The following THSD7B variants were observed in gnomAD, a reference collection of about 807,000 sequenced individuals.
The protein encoded by THSD7B is thrombospondin type-1 domain-containing protein 7B.
Under a neutral mutation model 213.6 loss-of-function variants are expected in THSD7B, and 138 were observed. The observed-to-expected ratio is 0.65, with a 90% CI of 0.56 to 0.74. The LOEUF (loss-of-function observed/expected upper bound fraction) is 0.74. Ranked by LOEUF, THSD7B falls within the 30% of genes least tolerant of loss-of-function variation. THSD7B has a pLI of 0.00. For synonymous variants in THSD7B, 742 were observed against 687.0 expected (o/e 1.08, Z -1.25); for missense variants, 1,931 against 1,991.5 (o/e 0.97, Z 0.58).
chr2:137,455,618 G>T (rs1687748038), intron 15 of THSD7B, among the ~76,000 whole-genome samples: 1 of 152,160 alleles, frequency 6.6e-6, no homozygotes, highest in Non-Finnish European at 1.5e-5. Context: ...GTAGCTTTCT[G>T]CTAAGTATAT....
chr2:137,333,220 C>A (rs759847177), intron 12 of THSD7B, among the ~76,000 whole-genome samples: 23 of 152,194 alleles, frequency 1.5e-4, no homozygotes, highest in African/African-American at 5.3e-4. Flanking sequence ...GGTTCCGATA[C>A]ATCTACCTCC....
chr2:137,575,593 T>A (rs1445541876), intron 17 of THSD7B, among the ~76,000 whole-genome samples: 1 of 151,972 alleles, frequency 6.6e-6, no homozygotes, highest in African/African-American at 2.4e-5. Context: ...ACCATTTTTT[T>A]AAAACTGTAT....
chr2:137,452,916 C>G (rs1261850146), intron 15 of THSD7B, among the ~76,000 whole-genome samples: 1 of 152,082 alleles, frequency 6.6e-6, no homozygotes, highest in African/African-American at 2.4e-5. Flanking sequence ...AATCAAAGTT[C>G]AAGAATAATT....
At chr2:136,890,434 TTC>T (rs1558840135) in intron 2 of THSD7B, among the ~76,000 whole-genome samples, 286 of 3,508 alleles carry the variant, frequency 0.082, 91 homozygotes, top group South Asian at 0.35. Flanking sequence ...CTTCTTCTTC[TTC>T]TTCTTCTTCT....
At chr2:137,578,323 A>G (rs1681504071) in intron 17 of THSD7B, among the ~76,000 whole-genome samples, 2 of 152,200 alleles carry the variant, frequency 1.3e-5, no homozygotes, top group African/African-American at 4.8e-5. Context: ...TTAGCTAACT[A>G]CTAATTTGGA....
chr2:136,915,932 A>G (rs188229930), intron 2 of THSD7B, among the ~76,000 whole-genome samples: 4 of 152,356 alleles, frequency 2.6e-5, no homozygotes, highest in Non-Finnish European at 5.9e-5. Context: ...TTAAGTGCCT[A>G]TACTTGAAGT....
intron 20 of THSD7B, among the ~76,000 whole-genome samples, chr2:137,626,780 A>G (rs1331191367): frequency 1.3e-5 from 2 of 152,162 alleles, no homozygotes; most frequent in Non-Finnish European, 1.5e-5. Flanking sequence ...TTTAAGTTCT[A>G]TATTCCACAA....
Position 136,966,458 on chromosome 2 carries a change from A to G in THSD7B, c.139+84141A>G, listed in dbSNP as rs201458600. On this transcript the variant is annotated intron_variant, in intron 2 of 27. Coordinates refer to ENST00000409968, the MANE Select transcript of THSD7B (RefSeq NM_001316349.2). ...TCTCAAACTCTTGGGTTCAAGTGATATGCCCAGCTCAGCCTCCAAAAGTGC... is the reference window on the plus strand; with the variant it reads ...TCTCAAACTCTTGGGTTCAAGTGATGTGCCCAGCTCAGCCTCCAAAAGTGC... Among the ~76,000 whole-genome samples, 34 of 152,220 alleles carry G rather than the reference A, an allele frequency of 2.2e-4. 1 individual carries two copies. In the East Asian group the frequency reaches 6.6e-3, roughly 29 times the overall value.
chr2:137,673,747 C>T (rs544285298), intron 27 of THSD7B, among the ~76,000 whole-genome samples: 51 of 152,246 alleles, frequency 3.3e-4, no homozygotes, highest in Middle Eastern at 3.4e-3. Context: ...AGCTGCTATT[C>T]GGCAAAGTAC....
At chr2:137,398,059 T>C (rs1180525746) in intron 12 of THSD7B, among the ~76,000 whole-genome samples, 4 of 129,392 alleles carry the variant, frequency 3.1e-5, no homozygotes, top group African/African-American at 8.6e-5. Context: ...ATTCTAGTTA[T>C]ACATTCTTCT....
intron 17 of THSD7B, among the ~76,000 whole-genome samples, chr2:137,575,141 C>T (rs1386605763): frequency 6.6e-6 from 1 of 151,956 alleles, no homozygotes; most frequent in Admixed American, 6.6e-5. Flanking sequence ...ATCTGAGTTA[C>T]AGGTTTCTTA....
intron 14 of THSD7B, among the ~76,000 whole-genome samples, chr2:137,444,662 C>T (rs1687490097): frequency 6.6e-6 from 1 of 151,730 alleles, no homozygotes. Context: ...AACTATAAAA[C>T]TACTAAAAGA....
chr2:137,355,351 T>A (rs1331232701), intron 12 of THSD7B, among the ~76,000 whole-genome samples: 1 of 152,166 alleles, frequency 6.6e-6, no homozygotes, highest in Admixed American at 6.5e-5. Context: ...TGATATCATA[T>A]GGCTGACATT....
intron 2 of THSD7B, among the ~76,000 whole-genome samples, chr2:137,004,676 A>G (rs369753407): frequency 3.3e-4 from 50 of 152,206 alleles, no homozygotes; most frequent in African/African-American, 1.1e-3. Flanking sequence ...TGATGTTGAT[A>G]CCATCTCAAA....
At chr2:137,560,227 T>C (rs996949491) in intron 15 of THSD7B, among the ~76,000 whole-genome samples, 5 of 152,054 alleles carry the variant, frequency 3.3e-5, no homozygotes, top group Non-Finnish European at 7.4e-5. Flanking sequence ...ACCCAAAGGA[T>C]TATAAATCAT....
At chr2:137,211,006 G>A (rs1366400288) in intron 7 of THSD7B, among the ~76,000 whole-genome samples, 1 of 151,896 alleles carries the variant, frequency 6.6e-6, no homozygotes, top group Non-Finnish European at 1.5e-5. Flanking sequence ...TCTGTTGATT[G>A]CAGGAACATT....
rs182261605 is a variant in THSD7B, at chr2:136,953,012, C to T, written c.139+70695C>T. Among the ~76,000 whole-genome samples the T allele has an allele frequency of 2.3e-3, 351 of 151,910 alleles. 3 individuals are homozygous for T. Among genetic ancestry groups the T allele is most frequent in the Non-Finnish European group, 1.2e-3 (83 of 67,954 alleles). ...TGACATATAATCCATGTGATAATTT[C>T]TCAGGAAAAAAATGAAGATTAGGGT... On this transcript the variant is annotated intron_variant, in intron 2 of 27. Transcript: ENST00000409968.
chr2:136,772,051 A>G (rs1376697744), intron 1 of THSD7B, among the ~76,000 whole-genome samples: 4 of 151,812 alleles, frequency 2.6e-5, no homozygotes, highest in Non-Finnish European at 4.4e-5. Flanking sequence ...TTTTTTTGTA[A>G]TAGGAAACAA....
At chr2:136,891,380 T>A (rs2105001976) in intron 2 of THSD7B, among the ~76,000 whole-genome samples, 1 of 152,340 alleles carries the variant, frequency 6.6e-6, no homozygotes, top group East Asian at 1.9e-4. Context: ...GGCTTCACTG[T>A]CAAAATATTT....
Sources: allele counts gnomAD v4.1 joint callset (sites outside exome capture counted in the v4.1 genomes callset), GRCh38; gene constraint gnomAD v4.1.1; transcripts MANE v1.5; gene names NCBI Gene and HGNC (gene_info 2026-07-23, HGNC 2026-07-21).